Variants in MCC observed in about 807,000 individuals in gnomAD.
MCC encodes MCC regulator of Wnt signaling pathway, also known as colorectal mutant cancer protein.
MCC carries 90 observed loss-of-function variants against 116.2 expected under a neutral mutation model. The observed-to-expected ratio is 0.77, with a 90% CI of 0.65 to 0.92. MCC has a LOEUF of 0.92. Ranked by LOEUF, MCC falls within the 40% of genes least tolerant of loss-of-function variation. MCC has a pLI of 0.00. For missense variants in MCC, 1,516 were observed against 1,312.2 expected (o/e 1.16, Z -2.40); for synonymous variants, 578 against 510.5 (o/e 1.13, Z -1.78).
At chr5:113,374,284 C>A (rs1321727796) in intron 2 of MCC, among the ~76,000 whole-genome samples, 3 of 150,228 alleles carry the variant, frequency 2.0e-5, no homozygotes, top group African/African-American at 7.4e-5. Context: ...ATGATCTTAA[C>A]AGTGTTTGAC....
In MCC at chr5:113,488,244, C is replaced by A; in HGVS notation, c.170+1G>T. The A allele has an allele frequency of 6.3e-7, 1 of 1,591,170 alleles. No homozygotes were observed. The highest frequency in any genetic ancestry group is 8.5e-7 in the Non-Finnish European group (1 of 1,169,700). ...CGGTTTCCTCGTACCTCCCCGCGTA[C>A]CTGCTGATGTATCCGTCCCCGTCGC... On this transcript the variant is annotated splice_donor_variant, in intron 1 of 18. Transcript: ENST00000408903. LOFTEE classifies it high-confidence loss of function.
intron 1 of MCC, among the ~76,000 whole-genome samples, chr5:113,458,456 G>T (rs1248467444): frequency 6.6e-6 from 1 of 151,986 alleles, no homozygotes; most frequent in Non-Finnish European, 1.5e-5. Context: ...ACAAACTCCA[G>T]ACGCGCCACC....
intron 11 of MCC, among the ~76,000 whole-genome samples, chr5:113,074,714 C>T (rs1392405768): frequency 2.6e-5 from 4 of 152,230 alleles, no homozygotes; most frequent in Admixed American, 2.6e-4. Flanking sequence ...GAGCTGAAAA[C>T]CACGGCACAA....
chr5:113,080,216 T>G (rs1754755265), intron 11 of MCC, among the ~76,000 whole-genome samples: 1 of 152,236 alleles, frequency 6.6e-6, no homozygotes, highest in African/African-American at 2.4e-5. Context: ...GACTGTAAAC[T>G]AGTTCAACCA....
intron 1 of MCC, among the ~76,000 whole-genome samples, chr5:113,430,702 G>C (rs567600890): frequency 1.3e-5 from 2 of 152,204 alleles, no homozygotes; most frequent in Non-Finnish European, 2.9e-5. Flanking sequence ...GCATGGAAAA[G>C]TAAGTTCTGG....
At chr5:113,410,213 A>G (rs960633474) in intron 1 of MCC, among the ~76,000 whole-genome samples, 3 of 152,226 alleles carry the variant, frequency 2.0e-5, no homozygotes, top group Non-Finnish European at 2.9e-5. Flanking sequence ...GCGTATGGAT[A>G]TGCTATACCT....
At chr5:113,263,135 C>T (rs1472463352) in intron 3 of MCC, among the ~76,000 whole-genome samples, 1 of 152,092 alleles carries the variant, frequency 6.6e-6, no homozygotes, top group Admixed American at 6.6e-5. Context: ...CAAGACTGGC[C>T]CTAATAAGCA....
At chr5:113,121,443 T>C (rs80127431) in intron 6 of MCC, among the ~76,000 whole-genome samples, 4,223 of 152,238 alleles carry the variant, frequency 0.028, 189 homozygotes, top group African/African-American at 0.089. Context: ...CCTCCATCCA[T>C]GAGGATCTTC....
At chr5:113,423,372 C>T (rs937993670) in intron 1 of MCC, among the ~76,000 whole-genome samples, 1 of 152,184 alleles carries the variant, frequency 6.6e-6, no homozygotes, top group Admixed American at 6.5e-5. Flanking sequence ...AACAGGGTGT[C>T]TTTAAAAAGA....
At chr5:113,374,218 T>TTG (rs1472706540) in intron 2 of MCC, among the ~76,000 whole-genome samples, 7 of 102,554 alleles carry the variant, frequency 6.8e-5, no homozygotes, top group African/African-American at 4.8e-4. Context: ...TTTTTTTTTG[T>TTG]TTTTTTTTTT....
intron 3 of MCC, among the ~76,000 whole-genome samples, chr5:113,177,430 G>A (rs1761395571): frequency 6.6e-6 from 1 of 152,186 alleles, no homozygotes; most frequent in South Asian, 2.1e-4. Context: ...GACACAATGT[G>A]GACTTTCAGC....
At chr5:113,030,338 G>A (rs1561731855) in intron 17 of MCC, among the ~76,000 whole-genome samples, 1 of 152,042 alleles carries the variant, frequency 6.6e-6, no homozygotes, top group Non-Finnish European at 1.5e-5. Context: ...GGTTAATCAC[G>A]GCCTACCCAT....
At chr5:113,028,379 C>T (rs932509228) in intron 18 of MCC, among the ~76,000 whole-genome samples, 3 of 113,110 alleles carry the variant, frequency 2.7e-5, no homozygotes, top group Admixed American at 1.0e-4. Context: ...ATAAAAATGC[C>T]ATTTTTTTTT....
At position 113,080,654 on chromosome 5, in the gene MCC, G is replaced by T. The variant is rs1399306586; in HGVS notation, c.1784+2206C>A. On this transcript the variant is annotated intron_variant, in intron 11 of 18. Transcript: ENST00000408903. ...AACATCACACACCGGGGCCTGTCGT[G>T]GGGTGGAGGGAGCGGGGAGGGATAG... Among the ~76,000 whole-genome samples the T allele has an allele frequency of 2.6e-5, 4 of 152,224 alleles. No individual in the cohort carries two copies. In the South Asian group the frequency reaches 8.3e-4, roughly 32 times the overall value.
intron 3 of MCC, among the ~76,000 whole-genome samples, chr5:113,187,503 A>G (rs1761949719): frequency 6.6e-6 from 1 of 152,182 alleles, no homozygotes. Flanking sequence ...TTCAGGGCTT[A>G]GTCAAGAGTT....
At chr5:113,067,625 A>G (rs920524359) in intron 13 of MCC, among the ~76,000 whole-genome samples, 2 of 152,212 alleles carry the variant, frequency 1.3e-5, no homozygotes, top group African/African-American at 4.8e-5. Context: ...AACAAGAGCA[A>G]AACTCCATCT....
intron 3 of MCC, among the ~76,000 whole-genome samples, chr5:113,195,728 T>C (rs530779960): frequency 6.6e-6 from 1 of 152,208 alleles, no homozygotes; most frequent in Non-Finnish European, 1.5e-5. Context: ...TTGCTAACAG[T>C]TGAAGATATT....
chr5:113,162,813 C>T (rs748714201), intron 3 of MCC, among the ~76,000 whole-genome samples: 1 of 152,140 alleles, frequency 6.6e-6, no homozygotes, highest in African/African-American at 2.4e-5. Context: ...TGCCACCTTA[C>T]TGACCACAAT....
intron 3 of MCC, among the ~76,000 whole-genome samples, chr5:113,205,922 G>T (rs927213869): frequency 1.3e-5 from 2 of 152,232 alleles, no homozygotes; most frequent in African/African-American, 4.8e-5. Context: ...GGCTCCTGAA[G>T]CCATGCCACA....
Sources: gnomAD v4.1 joint callset for allele counts (sites outside exome capture counted in the v4.1 genomes callset) on GRCh38, gnomAD v4.1.1 for gene constraint, MANE v1.5 for transcripts, NCBI Gene and HGNC (gene_info 2026-07-23, HGNC 2026-07-21) for gene names.